IQCJ: variants seen among roughly 807,000 people sequenced by gnomAD.
IQCJ encodes the protein IQ motif containing J.
IQCJ carries 9 observed loss-of-function variants against 11.0 expected under a neutral mutation model. The ratio of observed to expected loss-of-function variants is 0.82; its 90% confidence interval spans 0.49 to 1.43. IQCJ has a LOEUF of 1.43. Among genes scored for constraint, IQCJ ranks in the 40% most tolerant of loss-of-function variants. IQCJ has a pLI of 0.00. For synonymous variants in IQCJ, 55 were observed against 51.3 expected, an observed-to-expected ratio of 1.07 and a Z score of -0.31; for missense variants, 146 against 133.2, an observed-to-expected ratio of 1.10 and a Z score of -0.47.
chr3:159,210,434 T>C (rs1724890720), intron 1 of IQCJ, among the ~76,000 whole-genome samples: 1 of 152,188 alleles, frequency 6.6e-6, no homozygotes, highest in African/African-American at 2.4e-5. Context: ...ATTTGAGTTA[T>C]ATAGTTGGCC....
At chr3:159,070,041 G>A (rs562670659) in intron 1 of IQCJ, 2 of 203,222 alleles carry the variant, frequency 9.8e-6, no homozygotes, top group Non-Finnish European at 2.1e-5. Flanking sequence ...AGAACCTCAG[G>A]GGGACGTTGA....
At chr3:159,254,710 T>G (rs1382227946) in intron 3 of IQCJ, among the ~76,000 whole-genome samples, 1 of 152,094 alleles carries the variant, frequency 6.6e-6, no homozygotes, top group Non-Finnish European at 1.5e-5. Context: ...TCTCTCCTCC[T>G]TCCTTCTCCC....
chr3:159,161,030 C>T (rs1481104265), intron 1 of IQCJ, among the ~76,000 whole-genome samples: 2 of 152,096 alleles, frequency 1.3e-5, no homozygotes, highest in African/African-American at 2.4e-5. Context: ...GATTTATAGT[C>T]CTTTGGGTAT....
chr3:159,238,636 G>A (rs1477790279), intron 1 of IQCJ, among the ~76,000 whole-genome samples: 1 of 152,136 alleles, frequency 6.6e-6, no homozygotes, highest in African/African-American at 2.4e-5. Context: ...ATCACCAGAG[G>A]TTGCTGAGGA....
At chr3:159,156,936 C>A (rs751643345) in intron 1 of IQCJ, among the ~76,000 whole-genome samples, 7 of 152,172 alleles carry the variant, frequency 4.6e-5, no homozygotes, top group Admixed American at 1.3e-4. Context: ...CTATTTTCAA[C>A]TTTTTAAGTC....
intron 1 of IQCJ, among the ~76,000 whole-genome samples, chr3:159,123,350 TAGG>T (rs1264567755): frequency 6.6e-6 from 1 of 152,090 alleles, no homozygotes; most frequent in Non-Finnish European, 1.5e-5. Flanking sequence ...GCCTTCCCCA[TAGG>T]AGAAGAATTC....
chr3:159,114,389 C>A (rs1380217594), intron 1 of IQCJ, among the ~76,000 whole-genome samples: 1 of 151,526 alleles, frequency 6.6e-6, no homozygotes, highest in African/African-American at 2.4e-5. Context: ...CAGCTCACTG[C>A]AACCTCTGTC....
At chr3:159,162,907 G>T (rs1354104138) in intron 1 of IQCJ, among the ~76,000 whole-genome samples, 1 of 152,126 alleles carries the variant, frequency 6.6e-6, no homozygotes, top group African/African-American at 2.4e-5. Flanking sequence ...CCAATAACAG[G>T]CTCTGAAATT....
intron 3 of IQCJ, among the ~76,000 whole-genome samples, chr3:159,259,690 A>G (rs1291814655): frequency 1.3e-5 from 2 of 152,356 alleles, no homozygotes; most frequent in South Asian, 2.1e-4. Context: ...ACACTTTTCT[A>G]TGATACAGAG....
chr3:159,229,482 G>T (rs77437209), intron 1 of IQCJ, among the ~76,000 whole-genome samples: 2,435 of 151,960 alleles, frequency 0.016, 65 homozygotes, highest in African/African-American at 0.055. Flanking sequence ...GAAGACAGGG[G>T]CTGTGTCTTC....
Position 159,069,369 on chromosome 3 carries a change from G to C in IQCJ, c.-64G>C. On this transcript the variant is annotated 5_prime_UTR_variant, in exon 1 of 4. Transcript: ENST00000397832. ...TCACATTGCGCTCTGTGATTCTGAG[G>C]AATACAGTGTGCCAGCATCCGATCC... 4 of 1,580,386 alleles carry C rather than the reference G, an allele frequency of 2.5e-6. No individual in the cohort carries two copies. Among genetic ancestry groups the C allele is most frequent in the Non-Finnish European group, 3.4e-6 (4 of 1,166,824 alleles).
At chr3:159,103,550 C>A (rs993510819) in intron 1 of IQCJ, among the ~76,000 whole-genome samples, 2 of 152,208 alleles carry the variant, frequency 1.3e-5, no homozygotes, top group Non-Finnish European at 2.9e-5. Context: ...CAATTTAGGA[C>A]AAAAAGCCCA....
intron 1 of IQCJ, among the ~76,000 whole-genome samples, chr3:159,146,261 G>C (rs569410341): frequency 9.9e-5 from 15 of 152,264 alleles, no homozygotes; most frequent in African/African-American, 3.4e-4. Context: ...ATTTGTTTGA[G>C]TGGAGGTGAG....
At chr3:159,228,459 T>A (rs1725990715) in intron 1 of IQCJ, among the ~76,000 whole-genome samples, 1 of 152,246 alleles carries the variant, frequency 6.6e-6, no homozygotes, top group Admixed American at 6.5e-5. Context: ...ATGAGCAGAA[T>A]AAAGTCATCT....
intron 3 of IQCJ, among the ~76,000 whole-genome samples, chr3:159,260,093 T>A (rs1258360225): frequency 2.1e-4 from 32 of 152,270 alleles, no homozygotes; most frequent in Non-Finnish European, 1.5e-4. Context: ...AAGAAAATAA[T>A]GTTGTCTTCT....
chr3:159,262,787 G>T lies in IQCJ; in HGVS notation c.*56G>T. ...CTTGGGATGTGAGCAGGTGGTTTGT[G>T]ACAGTGAAGATCTATGTAGCTTATT... On this transcript the variant is annotated 3_prime_UTR_variant, in exon 4 of 4. Transcript: ENST00000397832. The T allele has an allele frequency of 6.4e-7, 1 of 1,572,636 alleles. No individual in the cohort carries two copies. The highest frequency in any genetic ancestry group is 1.2e-5 in the South Asian group (1 of 84,246).
rs1351566729 is a variant in IQCJ at position 159,209,405 on chromosome 3, C to CGAATGGGGA, written c.10-36438_10-36437insGAATGGGGA. ...ACTTCCACTGCTTAATGAAGTCTCC[C>CGAATGGGGA]CATTCACCACCCTTCAAATCTGTGT... On this transcript the variant is annotated intron_variant, in intron 1 of 3. Coordinates refer to ENST00000397832, the MANE Select transcript of IQCJ (RefSeq NM_001042706.3). Among the ~76,000 whole-genome samples, 3 of 152,128 alleles carry CGAATGGGGA rather than the reference C, an allele frequency of 2.0e-5. No individual in the cohort carries two copies. In the South Asian group the frequency reaches 6.2e-4, roughly 31 times the overall value.
At chr3:159,186,556 G>A (rs1723379265) in intron 1 of IQCJ, among the ~76,000 whole-genome samples, 1 of 152,186 alleles carries the variant, frequency 6.6e-6, no homozygotes. Context: ...CCCCAGTCAA[G>A]CGCAGGTCAA....
rs1306225539 is a variant in IQCJ at position 159,085,885 on chromosome 3, G to A, written c.9+16444G>A. ...TATAGGTTGCCTGTTCACTCTGATGGTAGTTTCTTTTGCTGTGCAGAAGCT... is the reference window on the plus strand; with the variant it reads ...TATAGGTTGCCTGTTCACTCTGATGATAGTTTCTTTTGCTGTGCAGAAGCT... On this transcript the variant is annotated intron_variant, in intron 1 of 3. Coordinates refer to ENST00000397832, the MANE Select transcript of IQCJ (RefSeq NM_001042706.3). 3.3e-5 allele frequency among the ~76,000 whole-genome samples: 5 copies of A among 150,782 alleles called. 1 individual carries two copies. The highest frequency in any genetic ancestry group is 9.8e-5 in the African/African-American group (4 of 41,016).
Sources: allele counts gnomAD v4.1 joint callset (sites outside exome capture counted in the v4.1 genomes callset), GRCh38; gene constraint gnomAD v4.1.1; transcripts MANE v1.5; gene names NCBI Gene and HGNC (gene_info 2026-07-23, HGNC 2026-07-21).